Variants in ZDHHC14 observed in about 807,000 individuals in gnomAD.
The protein encoded by ZDHHC14 is zDHHC palmitoyltransferase 14, also known as palmitoyltransferase ZDHHC14.
In ZDHHC14, 16 loss-of-function variants were observed where a neutral mutation model predicts 47.7. The observed-to-expected ratio is 0.34, with a 90% CI of 0.23 to 0.51. The LOEUF (loss-of-function observed/expected upper bound fraction) is 0.51. Ranked by LOEUF, ZDHHC14 falls within the 20% of genes least tolerant of loss-of-function variation. ZDHHC14 has a pLI of 0.97. For missense variants in ZDHHC14, 515 were observed against 662.5 expected, an observed-to-expected ratio of 0.78 and a Z score of 2.44; for synonymous variants, 293 against 278.9, an observed-to-expected ratio of 1.05 and a Z score of -0.50.
chr6:157,465,405 G>A (rs1165849991), intron 1 of ZDHHC14, among the ~76,000 whole-genome samples: 1 of 152,046 alleles, frequency 6.6e-6, no homozygotes, highest in Non-Finnish European at 1.5e-5. Flanking sequence ...TTGGGGGACA[G>A]AAAGTCCCTA....
At chr6:157,555,097 A>G (rs1290138053) in intron 2 of ZDHHC14, among the ~76,000 whole-genome samples, 1 of 152,202 alleles carries the variant, frequency 6.6e-6, no homozygotes, top group Non-Finnish European at 1.5e-5. Flanking sequence ...TCTCTTTCCC[A>G]GCTGTCCCTT....
intron 1 of ZDHHC14, among the ~76,000 whole-genome samples, chr6:157,538,744 C>T (rs1781634156): frequency 1.3e-5 from 2 of 152,186 alleles, no homozygotes; most frequent in African/African-American, 4.8e-5. Flanking sequence ...AGCCCAGAAA[C>T]TCTACCAAGG....
At chr6:157,550,083 C>T (rs1782158961) in intron 2 of ZDHHC14, among the ~76,000 whole-genome samples, 1 of 152,176 alleles carries the variant, frequency 6.6e-6, no homozygotes, top group Non-Finnish European at 1.5e-5. Flanking sequence ...TGGCATTTTC[C>T]TCCTTACAGG....
chr6:157,562,262 G>A (rs1782737939), intron 2 of ZDHHC14, among the ~76,000 whole-genome samples: 1 of 152,158 alleles, frequency 6.6e-6, no homozygotes, highest in Admixed American at 6.5e-5. Flanking sequence ...CACAGCCCTG[G>A]GCAATGAAGG....
intron 1 of ZDHHC14, among the ~76,000 whole-genome samples, chr6:157,458,790 CTA>C (rs1326050995): frequency 6.7e-6 from 1 of 149,372 alleles, no homozygotes; most frequent in East Asian, 2.0e-4. Context: ...TACGATATAA[CTA>C]TGTATTTCCT....
intron 3 of ZDHHC14, among the ~76,000 whole-genome samples, chr6:157,627,781 C>G (rs375695735): frequency 1.3e-5 from 2 of 152,284 alleles, no homozygotes; most frequent in South Asian, 2.1e-4. Flanking sequence ...AGGGTAACAC[C>G]ATCGTTTTCT....
intron 1 of ZDHHC14, among the ~76,000 whole-genome samples, chr6:157,458,849 A>ATTTTTTTTTTGTTTTTTTTTTTT (rs1778992571): frequency 1.2e-5 from 1 of 81,226 alleles, no homozygotes; most frequent in African/African-American, 4.6e-5. Flanking sequence ...ATGTGGGTGG[A>ATTTTTTTTTTGTTTTTTTTTTTT]TTTTTTTTTT....
chr6:157,428,544 G>A (rs1490953513), intron 1 of ZDHHC14, among the ~76,000 whole-genome samples: 3 of 151,372 alleles, frequency 2.0e-5, no homozygotes, highest in Admixed American at 6.6e-5. Flanking sequence ...TTATAGCGGT[G>A]CCCTCTGAAA....
At chr6:157,596,378 C>T (rs559352195) in intron 3 of ZDHHC14, among the ~76,000 whole-genome samples, 3 of 152,282 alleles carry the variant, frequency 2.0e-5, no homozygotes, top group Admixed American at 1.3e-4. Flanking sequence ...TACCTTGTAA[C>T]GAGCAGGTTT....
At chr6:157,570,881 A>G (rs779687097) in intron 2 of ZDHHC14, among the ~76,000 whole-genome samples, 1 of 152,224 alleles carries the variant, frequency 6.6e-6, no homozygotes, top group Non-Finnish European at 1.5e-5. Context: ...CAGCCCCTGA[A>G]AAAAGAGCTT....
intron 1 of ZDHHC14, among the ~76,000 whole-genome samples, chr6:157,436,142 G>C (rs1778435667): frequency 6.6e-6 from 1 of 152,186 alleles, no homozygotes; most frequent in Non-Finnish European, 1.5e-5. Flanking sequence ...AGAGAGGCCA[G>C]TTCCCAGAGT....
chr6:157,532,828 C>A (rs1308635040), intron 1 of ZDHHC14, among the ~76,000 whole-genome samples: 1 of 152,246 alleles, frequency 6.6e-6, no homozygotes, highest in South Asian at 2.1e-4. Flanking sequence ...AGAGAATATA[C>A]ATTATCGTCA....
rs574676143 is a variant in ZDHHC14 at position 157,427,009 on chromosome 6, A to G, written c.245+44743A>G. On this transcript the variant is annotated intron_variant, in intron 1 of 8. Coordinates refer to ENST00000359775, the MANE Select transcript of ZDHHC14 (RefSeq NM_024630.3). This position sits in a 1 kb window ranked among gnomAD's most constrained non-coding sequence, Gnocchi z 4.4. ...GAGAACTTAAGATAGTGTCTGGAGG[A>G]GAAGGTAGGTGAGGAATCGGTCTAG... 6.6e-6 allele frequency among the ~76,000 whole-genome samples: 1 copy of G among 152,218 alleles called. No homozygotes were observed. Among genetic ancestry groups the G allele is most frequent in the Non-Finnish European group, 1.5e-5 (1 of 67,998 alleles).
chr6:157,493,168 G>C (rs1448555996), intron 1 of ZDHHC14, among the ~76,000 whole-genome samples: 1 of 152,368 alleles, frequency 6.6e-6, no homozygotes, highest in African/African-American at 2.4e-5. Context: ...GAAGTGGCAG[G>C]ACATGAGATG....
chr6:157,464,041 T>C (rs2092315901), intron 1 of ZDHHC14, among the ~76,000 whole-genome samples: 1 of 151,892 alleles, frequency 6.6e-6, no homozygotes, highest in Admixed American at 6.6e-5. Flanking sequence ...TAAAATAAAA[T>C]AAAATAAATT....
intron 1 of ZDHHC14, among the ~76,000 whole-genome samples, chr6:157,472,246 C>T (rs1779372832): frequency 6.6e-6 from 1 of 152,088 alleles, no homozygotes. Context: ...ACGGGTTTCC[C>T]CAGGGTGGGT....
chr6:157,575,506 C>T (rs1432870572), intron 2 of ZDHHC14, among the ~76,000 whole-genome samples: 7 of 152,146 alleles, frequency 4.6e-5, no homozygotes, highest in Non-Finnish European at 1.0e-4. Context: ...ACACAGCCCT[C>T]CCTCCATATC....
chr6:157,471,774 G>A (rs183733806), intron 1 of ZDHHC14, among the ~76,000 whole-genome samples: 2 of 152,322 alleles, frequency 1.3e-5, no homozygotes, highest in East Asian at 1.9e-4. Context: ...CAGCGTGGCC[G>A]ATGTTTTCTG....
At chr6:157,433,820 G>T (rs905171459) in intron 1 of ZDHHC14, among the ~76,000 whole-genome samples, 6 of 152,176 alleles carry the variant, frequency 3.9e-5, no homozygotes, top group African/African-American at 1.4e-4. Flanking sequence ...CATGGCATGT[G>T]CTGTGAAAAT....
Sources: gnomAD v4.1 joint callset for allele counts (sites outside exome capture counted in the v4.1 genomes callset) on GRCh38, gnomAD v4.1.1 for gene constraint, Gnocchi (gnomAD v3.1) non-coding constraint, MANE v1.5 for transcripts, NCBI Gene and HGNC (gene_info 2026-07-23, HGNC 2026-07-21) for gene names.